FSTL5: variants seen among roughly 807,000 people sequenced by gnomAD.
FSTL5 encodes the protein follistatin-related protein 5.
In FSTL5, 62 loss-of-function variants were observed where a neutral mutation model predicts 89.1. That is an observed-to-expected ratio of 0.70 (90% CI 0.57 to 0.86). The LOEUF is 0.86. FSTL5 is among the 40% of genes least tolerant of loss of function. The probability of loss-of-function intolerance (pLI) is 0.00; values close to 1 mark genes in which losing one functional copy is unlikely to be tolerated. For missense variants in FSTL5, 1,057 were observed against 1,001.6 expected (o/e 1.06, Z -0.75); for synonymous variants, 383 against 346.2 (o/e 1.11, Z -1.18).
chr4:162,014,820 T>C (rs1444232360), intron 3 of FSTL5, among the ~76,000 whole-genome samples: 2 of 152,170 alleles, frequency 1.3e-5, no homozygotes, highest in Admixed American at 6.6e-5. Flanking sequence ...TCTTTTTACA[T>C]AGAAGAGACT....
intron 8 of FSTL5, among the ~76,000 whole-genome samples, chr4:161,556,786 T>C (rs969538415): frequency 6.6e-6 from 1 of 150,676 alleles, no homozygotes; most frequent in Non-Finnish European, 1.5e-5. Flanking sequence ...TCCATATTTA[T>C]ACAAACTTAG....
intron 7 of FSTL5, among the ~76,000 whole-genome samples, chr4:161,597,666 A>T (rs1734073840): frequency 6.6e-6 from 1 of 151,830 alleles, no homozygotes; most frequent in Admixed American, 6.6e-5. Flanking sequence ...AAATACAAAA[A>T]AAAAGAATAA....
rs573520369 is a variant in FSTL5 at position 161,408,800 on chromosome 4, C to T, written c.1842-22351G>A. On this transcript the variant is annotated intron_variant, in intron 15 of 15. Coordinates refer to ENST00000306100, the MANE Select transcript of FSTL5 (RefSeq NM_020116.5). ...ATAATACAATCAGAAGTATTAGCAG[C>T]GGAAGTTGAGGAAAGAATCTCAGAG... Among the ~76,000 whole-genome samples the T allele has an allele frequency of 3.1e-4, 47 of 152,144 alleles. No individual in the cohort carries two copies. In the South Asian group the frequency reaches 7.7e-3, roughly 25 times the overall value.
At chr4:161,458,853 T>C (rs1284145845) in intron 14 of FSTL5, among the ~76,000 whole-genome samples, 1 of 152,174 alleles carries the variant, frequency 6.6e-6, no homozygotes, top group Non-Finnish European at 1.5e-5. Context: ...TAGAGAAAAA[T>C]GGAGAAGGCC....
chr4:161,509,453 T>G (rs1285667055), intron 11 of FSTL5, among the ~76,000 whole-genome samples: 3 of 152,114 alleles, frequency 2.0e-5, no homozygotes, highest in Non-Finnish European at 4.4e-5. Context: ...AAACCCAGGT[T>G]TTAATGGAGT....
intron 8 of FSTL5, among the ~76,000 whole-genome samples, chr4:161,547,187 G>C (rs1732036738): frequency 2.6e-5 from 4 of 151,986 alleles, no homozygotes; most frequent in Admixed American, 2.6e-4. Context: ...CTTGGAAGTA[G>C]TTATGCCAGC....
intron 6 of FSTL5, among the ~76,000 whole-genome samples, chr4:161,724,967 C>T (rs544966240): frequency 2.0e-5 from 3 of 152,060 alleles, no homozygotes; most frequent in East Asian, 1.9e-4. Context: ...GTCCAAGGGG[C>T]GAGTGGATAA....
intron 3 of FSTL5, among the ~76,000 whole-genome samples, chr4:162,020,231 A>G (rs901436860): frequency 6.6e-6 from 1 of 151,998 alleles, no homozygotes; most frequent in African/African-American, 2.4e-5. Context: ...CACAGGCCCC[A>G]TGGACAAATT....
chr4:161,604,888 C>A (rs12648649), intron 7 of FSTL5, among the ~76,000 whole-genome samples: 26,272 of 152,168 alleles, frequency 0.17, 2,372 homozygotes, highest in Middle Eastern at 0.32. Context: ...GAAAGAGAAA[C>A]TCCTTTCTCA....
intron 6 of FSTL5, among the ~76,000 whole-genome samples, chr4:161,702,764 C>T (rs942900995): frequency 1.3e-5 from 2 of 152,120 alleles, no homozygotes; most frequent in East Asian, 1.9e-4. Flanking sequence ...ATTGCTGAGC[C>T]TCCCTTCCTT....
chr4:161,818,423 G>GACCT (rs1730393961), intron 4 of FSTL5, among the ~76,000 whole-genome samples: 1 of 152,216 alleles, frequency 6.6e-6, no homozygotes, highest in Non-Finnish European at 1.5e-5. Flanking sequence ...CTTGAGACAA[G>GACCT]GTAGAGGTTC....
At chr4:161,526,092 T>TTCTTAA (rs1731211102) in intron 10 of FSTL5, among the ~76,000 whole-genome samples, 2 of 152,210 alleles carry the variant, frequency 1.3e-5, no homozygotes, top group Admixed American at 6.5e-5. Context: ...GGATTACAAC[T>TTCTTAA]TCTTAATCTT....
intron 4 of FSTL5, among the ~76,000 whole-genome samples, chr4:161,811,334 A>C (rs1224579179): frequency 6.6e-6 from 1 of 152,230 alleles, no homozygotes; most frequent in African/African-American, 2.4e-5. Context: ...TTGCTGGATA[A>C]TCAAATTATA....
At chr4:161,923,930 C>T (rs1426625977) in intron 3 of FSTL5, among the ~76,000 whole-genome samples, 2 of 151,674 alleles carry the variant, frequency 1.3e-5, no homozygotes, top group African/African-American at 4.8e-5. Context: ...AATTCATATG[C>T]AATCCAAAGA....
chr4:161,484,049 C>T (rs568707526), intron 12 of FSTL5, among the ~76,000 whole-genome samples: 3 of 152,154 alleles, frequency 2.0e-5, no homozygotes, highest in Admixed American at 6.5e-5. Context: ...TATATCACTA[C>T]TGATGGTATA....
At chr4:162,082,140 T>G (rs970403811) in intron 2 of FSTL5, among the ~76,000 whole-genome samples, 1 of 151,782 alleles carries the variant, frequency 6.6e-6, no homozygotes, top group African/African-American at 2.4e-5. Flanking sequence ...TATCTGATTC[T>G]TGTGCCTTTA....
intron 7 of FSTL5, among the ~76,000 whole-genome samples, chr4:161,634,024 G>A (rs1052847514): frequency 6.6e-6 from 1 of 152,160 alleles, no homozygotes; most frequent in Non-Finnish European, 1.5e-5. Flanking sequence ...GTTGGACAAC[G>A]TATACACAAA....
At chr4:161,849,836 CTTGT>C (rs1376058142) in intron 4 of FSTL5, among the ~76,000 whole-genome samples, 1 of 152,164 alleles carries the variant, frequency 6.6e-6, no homozygotes, top group Admixed American at 6.6e-5. Context: ...TAGGGCTTTT[CTTGT>C]TTAATGATTA....
intron 4 of FSTL5, among the ~76,000 whole-genome samples, chr4:161,909,896 C>T (rs1733642223): frequency 6.6e-6 from 1 of 152,058 alleles, no homozygotes; most frequent in East Asian, 1.9e-4. Flanking sequence ...CAATTACACA[C>T]ATATATTGAA....
Sources: gnomAD v4.1 joint callset for allele counts (sites outside exome capture counted in the v4.1 genomes callset) on GRCh38, gnomAD v4.1.1 for gene constraint, MANE v1.5 for transcripts, NCBI Gene and HGNC (gene_info 2026-07-23, HGNC 2026-07-21) for gene names.